NUAK1: variants seen among roughly 807,000 people sequenced by gnomAD.
The protein encoded by NUAK1 is NUAK family kinase 1.
A neutral mutation model predicts 56.9 loss-of-function variants in NUAK1; 26 were observed. That is an observed-to-expected ratio of 0.46 (90% CI 0.33 to 0.63). The LOEUF is 0.63. NUAK1 is among the 30% of genes least tolerant of loss of function. The pLI is 0.02. For synonymous variants in NUAK1, 337 were observed against 336.0 expected (o/e 1.00, Z -0.03); for missense variants, 727 against 876.1 (o/e 0.83, Z 2.15).
At chr12:106,068,020 A>T in intron 6 of NUAK1, 65 bp from the exon 7 acceptor site, 4 of 1,493,002 alleles carry the variant, frequency 2.7e-6, no homozygotes, top group Non-Finnish European at 3.6e-6. Context: ...TGATAGTGGG[A>T]CCCTCCAGGA....
At chr12:106,098,362 G>T (rs116986586) in intron 2 of NUAK1, among the ~76,000 whole-genome samples, 2,147 of 152,176 alleles carry the variant, frequency 0.014, 30 homozygotes, top group Middle Eastern at 0.027. Context: ...AGGCTCACAG[G>T]GTGGGGGCAT....
At chr12:106,069,494 AGT>A (rs2032381755) in intron 6 of NUAK1, among the ~76,000 whole-genome samples, 1 of 152,148 alleles carries the variant, frequency 6.6e-6, no homozygotes, top group African/African-American at 2.4e-5. Context: ...GGAGAAGATA[AGT>A]GTCTTAGATC....
intron 2 of NUAK1, among the ~76,000 whole-genome samples, chr12:106,095,904 C>T (rs2032691712): frequency 6.6e-6 from 1 of 152,190 alleles, no homozygotes; most frequent in Admixed American, 6.5e-5. Context: ...CTACCAGAGG[C>T]ACCTGCTGTC....
chr12:106,084,199 A>C (rs1461348148), intron 3 of NUAK1, among the ~76,000 whole-genome samples: 12 of 152,154 alleles, frequency 7.9e-5, no homozygotes, highest in Non-Finnish European at 1.3e-4. Context: ...AGCCTGTAAA[A>C]CAGCAGGGGG....
intron 2 of NUAK1, among the ~76,000 whole-genome samples, chr12:106,102,004 G>A (rs767799193): frequency 4.6e-5 from 7 of 152,186 alleles, no homozygotes; most frequent in Non-Finnish European, 1.0e-4. Flanking sequence ...CCCCAGGGAA[G>A]GGAGGGGAGC....
intron 1 of NUAK1, among the ~76,000 whole-genome samples, chr12:106,133,042 T>C (rs1362508940): frequency 6.6e-6 from 1 of 152,200 alleles, no homozygotes; most frequent in Non-Finnish European, 1.5e-5. Context: ...TCAGTTAACA[T>C]GCACCTAGCA....
In NUAK1 at chr12:106,067,090, G is replaced by C. The variant is rs767053893; in HGVS notation, c.1698C>G (p.Ser566Arg). The C allele has an allele frequency of 8.7e-6, 14 of 1,614,240 alleles. No individual in the cohort carries two copies. Among genetic ancestry groups the C allele is most frequent in the Admixed American group, 1.7e-5 (1 of 60,030 alleles). Residue 566 changes from serine to arginine, a missense_variant, in exon 7 of 7, where the codon AGC becomes AGG. Transcript: ENST00000261402. The surrounding 1 kb of genome is among the most constrained non-coding windows in gnomAD (Gnocchi z 6.0). Reference protein sequence around the residue: ...VPAEGLSRSYSRPSSVISDDS... With the variant: ...VPAEGLSRSYRRPSSVISDDS... Reference sequence around the variant, plus strand: ...CATCGCTGATGACACTGGAAGGGCGGCTGTAGCTCCGGGAGAGGCCCTCGG... The same window carrying C: ...CATCGCTGATGACACTGGAAGGGCGCCTGTAGCTCCGGGAGAGGCCCTCGG...
At chr12:106,109,023 A>G (rs2032832584) in intron 1 of NUAK1, among the ~76,000 whole-genome samples, 1 of 152,168 alleles carries the variant, frequency 6.6e-6, no homozygotes, top group Admixed American at 6.5e-5. Context: ...TTTTCCTACA[A>G]TGATTTTTCC....
intron 2 of NUAK1, among the ~76,000 whole-genome samples, chr12:106,092,935 G>T (rs2032651231): frequency 6.6e-6 from 1 of 152,134 alleles, no homozygotes; most frequent in South Asian, 2.1e-4. Context: ...TTTCTGAAAT[G>T]GCTTTATTAT....
intron 4 of NUAK1, among the ~76,000 whole-genome samples, chr12:106,073,246 G>T (rs1052921944): frequency 2.6e-5 from 4 of 152,084 alleles, no homozygotes; most frequent in Admixed American, 6.6e-5. Context: ...TCCCTCTGTG[G>T]TCTACCCAAT....
chr12:106,106,632 A>T (rs183464244), intron 1 of NUAK1, 107 bp from the exon 2 acceptor site: 6 of 1,134,600 alleles, frequency 5.3e-6, no homozygotes, highest in Non-Finnish European at 7.3e-6. Flanking sequence ...GGCAGAACTG[A>T]CAATAACCAA....
At chr12:106,086,577 T>C (rs2032572532) in intron 3 of NUAK1, among the ~76,000 whole-genome samples, 157 bp downstream of exon 3, 1 of 152,204 alleles carries the variant, frequency 6.6e-6, no homozygotes, top group South Asian at 2.1e-4. Flanking sequence ...TATCCCTGGA[T>C]TCCAGAATCA....
intron 1 of NUAK1, among the ~76,000 whole-genome samples, chr12:106,126,090 A>G (rs1457389989): frequency 6.6e-6 from 1 of 152,232 alleles, no homozygotes; most frequent in African/African-American, 2.4e-5. Context: ...ATAGAAAGTA[A>G]TAAAATTCTG....
At chr12:106,095,201 A>G (rs2032684524) in intron 2 of NUAK1, among the ~76,000 whole-genome samples, 1 of 152,206 alleles carries the variant, frequency 6.6e-6, no homozygotes. Flanking sequence ...ACAATCCTGA[A>G]TGTGAGAAAG....
Position 106,064,687 on chromosome 12 carries a change from G to C in NUAK1, c.*2115C>G, listed in dbSNP as rs563875027. 1 of 152,362 alleles carries C rather than the reference G, an allele frequency of 6.6e-6. No homozygotes were observed. Among genetic ancestry groups the C allele is most frequent in the African/African-American group, 2.4e-5 (1 of 41,576 alleles). The allele number at this position is 152,362 out of a possible 1,614,324, so 9.4% of individuals were successfully genotyped here. On this transcript the variant is annotated 3_prime_UTR_variant, in exon 7 of 7. Transcript: ENST00000261402. ...GACACGGCCAGCTGCCGTGCACAAG[G>C]GGCCAGCAGGGCAGCAGCATAGGCT...
chr12:106,080,338 G>A (rs1284654697), intron 4 of NUAK1, among the ~76,000 whole-genome samples: 1 of 152,170 alleles, frequency 6.6e-6, no homozygotes, highest in Non-Finnish European at 1.5e-5. Flanking sequence ...CTGGTGCCTG[G>A]ACCTCTTCTC....
At chr12:106,111,592 T>C (rs1337489565) in intron 1 of NUAK1, among the ~76,000 whole-genome samples, 1 of 152,076 alleles carries the variant, frequency 6.6e-6, no homozygotes, top group Non-Finnish European at 1.5e-5. Flanking sequence ...CCATGCATCT[T>C]GAAAAAGTGC....
chr12:106,127,952 T>C (rs2033039534), intron 1 of NUAK1, among the ~76,000 whole-genome samples: 1 of 151,972 alleles, frequency 6.6e-6, no homozygotes, highest in African/African-American at 2.4e-5. Flanking sequence ...AACTTAGATT[T>C]ATGGACCATT....
chr12:106,121,737 G>A (rs553672857), intron 1 of NUAK1, among the ~76,000 whole-genome samples: 10 of 151,904 alleles, frequency 6.6e-5, no homozygotes, highest in South Asian at 2.1e-4. Flanking sequence ...GGTACAGAGC[G>A]AGACCCTGTC....
Sources: gnomAD v4.1 joint callset for allele counts (sites outside exome capture counted in the v4.1 genomes callset) on GRCh38, gnomAD v4.1.1 for gene constraint, Gnocchi (gnomAD v3.1) non-coding constraint, MANE v1.5 for transcripts, NCBI Gene and HGNC (gene_info 2026-07-23, HGNC 2026-07-21) for gene names.